The following PAN2 variants were observed in gnomAD, a reference collection of about 807,000 sequenced individuals.
PAN2 encodes the protein poly(A) specific ribonuclease subunit PAN2, also known as PAN2-PAN3 deadenylation complex catalytic subunit PAN2.
PAN2 carries 68 observed loss-of-function variants against 133.3 expected under a neutral mutation model. That is an observed-to-expected ratio of 0.51 (90% CI 0.42 to 0.62). The LOEUF is 0.62. Ranked by LOEUF, PAN2 falls within the 20% of genes least tolerant of loss-of-function variation. PAN2 has a pLI of 0.00. For missense variants in PAN2, 1,042 were observed against 1,500.5 expected (o/e 0.69, Z 5.05); for synonymous variants, 462 against 544.6 (o/e 0.85, Z 2.11).
Position 56,327,552 on chromosome 12 carries a change from A to G in PAN2, c.731T>C (p.Val244Ala), listed in dbSNP as rs950171698. ...AFSGSLSDFD[V>A]HGNLLAACGF... ...ACAGGCAGCTAGCAGGTTGCCATGC[A>G]CATCAAAGTCTGACAGACTTCCTGA... The change falls in exon 6 of 26, where the codon GTG (valine) becomes GCG (alanine). Residue 244 changes from valine to alanine, a missense_variant. Val to Ala is a moderately conservative substitution (Grantham distance 64). Around this residue, in one of 3 missense-constraint regions of PAN2, gnomAD observed 908 missense variants for 1,223.5 expected, o/e 0.74. Transcript: ENST00000440411. 8 of 1,614,138 alleles carry G rather than the reference A, an allele frequency of 5.0e-6. No individual in the cohort carries two copies. Among genetic ancestry groups the G allele is most frequent in the Non-Finnish European group, 5.9e-6 (7 of 1,180,046 alleles).
At chr12:56,318,538 C>T (rs1354332474) in intron 24 of PAN2, 104 bp from the exon 25 acceptor site, 1 of 797,618 alleles carries the variant, frequency 1.3e-6, no homozygotes, top group Non-Finnish European at 2.1e-6. Flanking sequence ...CCTGACTGCC[C>T]TTAAGGAAAA....
rs1375380872 is a variant in PAN2, at chr12:56,317,364, A to T, written c.*245T>A. ...TACCAATTACTTTCCATCTGGGTCA[A>T]TTCTAGACTCCATGTCTGTACCACT... On this transcript the variant is annotated 3_prime_UTR_variant, in exon 26 of 26. Transcript: ENST00000440411. The T allele has an allele frequency of 3.6e-6, 2 of 552,764 alleles. No individual in the cohort carries two copies. The highest frequency in any genetic ancestry group is 3.2e-6 in the Non-Finnish European group (1 of 308,252). 34.2% of individuals were successfully genotyped at this position (552,764 alleles called of 1,614,324 possible). A position where few individuals can be genotyped will look rare whatever the true frequency, so the allele number is the denominator to read the frequency against.
At chr12:56,329,017 A>ATATGACCT in intron 2 of PAN2, among the ~76,000 whole-genome samples, 1 of 152,238 alleles carries the variant, frequency 6.6e-6, no homozygotes, top group Middle Eastern at 3.4e-3. Flanking sequence ...GCATAAGGTT[A>ATATGACCT]TATGCAAATA....
chr12:56,320,789 G>A (rs1396787342), intron 20 of PAN2, among the ~76,000 whole-genome samples: 3 of 145,716 alleles, frequency 2.1e-5, no homozygotes, highest in Non-Finnish European at 4.5e-5. Context: ...CTCAGGCTGG[G>A]CACTGTGGCT....
At chr12:56,327,081 CAG>C (rs1875202484) in intron 6 of PAN2, 122 bp from the exon 7 acceptor site, 6 of 839,992 alleles carry the variant, frequency 7.1e-6, no homozygotes, top group Non-Finnish European at 1.1e-5. Flanking sequence ...TGCCTAGAGA[CAG>C]AATGCCACTT....
At chr12:56,322,957 C>T in intron 17 of PAN2, 105 bp downstream of exon 17, 1 of 1,426,488 alleles carries the variant, frequency 7.0e-7, no homozygotes, top group South Asian at 1.2e-5. Context: ...AGGCCTTATT[C>T]TCTTCCTTTT....
In PAN2 at chr12:56,323,588, C is replaced by T. The variant is rs1210369363; in HGVS notation, c.2183G>A (p.Arg728His). 1.9e-6 allele frequency: 3 copies of T among 1,613,910 alleles called. No individual in the cohort carries two copies. The highest frequency in any genetic ancestry group is 2.5e-6 in the Non-Finnish European group (3 of 1,179,854). Residue 728 changes from arginine to histidine, a missense_variant, in exon 15 of 26, where the codon CGC becomes CAC. By Grantham distance (29) the Arg-to-His change is conservative (BLOSUM62 0). Around this residue, in one of 3 missense-constraint regions of PAN2, gnomAD observed 908 missense variants for 1,223.5 expected, o/e 0.74. Transcript: ENST00000440411. ...CEKYQPTIQT[R>H]NIRHLPDILV... ...AATATCTGGCAGATGGCGGATGTTG[C>T]GGGTCTGAATCTGAGAGGAAGAAAC...
chr12:56,331,781 T>C (rs1393610465), intron 2 of PAN2, among the ~76,000 whole-genome samples: 2 of 151,758 alleles, frequency 1.3e-5, no homozygotes, highest in African/African-American at 2.4e-5. Flanking sequence ...TGGCGTGATC[T>C]CGGCTCACTG....
At position 56,329,029 on chromosome 12, in the gene PAN2, T is replaced by C. The variant is rs113133660; in HGVS notation, c.283-388A>G. 5.9e-5 allele frequency among the ~76,000 whole-genome samples: 9 copies of C among 152,298 alleles called. 1 individual carries two copies. The highest frequency in any genetic ancestry group is 1.9e-4 in the African/African-American group (8 of 41,556). Reference sequence around the variant, plus strand: ...TGTGCATAAGGTTATATGCAAATACTATATCATTTTCTATAACGGATTTAG... The same window carrying C: ...TGTGCATAAGGTTATATGCAAATACCATATCATTTTCTATAACGGATTTAG... On this transcript the variant is annotated intron_variant, in intron 2 of 25. Coordinates refer to ENST00000440411, the MANE Select transcript of PAN2 (RefSeq NM_014871.6).
intron 16 of PAN2, 36 bp downstream of exon 16, chr12:56,323,275 A>G (rs1362182094): frequency 6.2e-7 from 1 of 1,613,920 alleles, no homozygotes; most frequent in South Asian, 1.1e-5. Flanking sequence ...CCACTGGGCA[A>G]TTCAATCCTT....
intron 2 of PAN2, among the ~76,000 whole-genome samples, chr12:56,328,920 G>A (rs1054100191): frequency 6.6e-6 from 1 of 152,196 alleles, no homozygotes; most frequent in African/African-American, 2.4e-5. Flanking sequence ...GGCTCACTTG[G>A]TTAGAACAGT....
intron 20 of PAN2, 60 bp from the exon 21 acceptor site, chr12:56,320,081 G>A (rs1874310794): frequency 1.3e-5 from 20 of 1,524,344 alleles, no homozygotes; most frequent in Non-Finnish European, 1.7e-5. Flanking sequence ...GGGGAGAGAA[G>A]CCCAGTGTGG....
At chr12:56,324,889 T>G in intron 10 of PAN2, 120 bp downstream of exon 10, 1 of 1,394,064 alleles carries the variant, frequency 7.2e-7, no homozygotes, top group East Asian at 2.3e-5. Flanking sequence ...GAAAGAATTG[T>G]AGAGGAGACC....
intron 20 of PAN2, among the ~76,000 whole-genome samples, chr12:56,321,476 G>A (rs989915531): frequency 6.7e-6 from 1 of 149,406 alleles, no homozygotes; most frequent in Non-Finnish European, 1.5e-5. Context: ...TGATCTGCCC[G>A]CCTCAGCCTC....
At chr12:56,330,353 C>CTT (rs10525866) in intron 2 of PAN2, among the ~76,000 whole-genome samples, 6,069 of 92,366 alleles carry the variant, frequency 0.066, 856 homozygotes, top group African/African-American at 0.073. Flanking sequence ...CTGTATTTTT[C>CTT]TTTTTTTTTT....
rs977995107 is a variant in PAN2 at position 56,326,871 on chromosome 12, A to C, written c.1008T>G (p.Phe336Leu). The change falls in exon 7 of 26, where the codon TTT becomes TTG. Residue 336 changes from phenylalanine (F) to leucine (L), a missense_variant. Phe to Leu is a conservative substitution (Grantham distance 22, BLOSUM62 0). Coordinates refer to ENST00000440411, the MANE Select transcript of PAN2 (RefSeq NM_014871.6). ...VNPVGPLLMTFDVSASKQALA... is the reference protein window; with the variant it reads ...VNPVGPLLMTLDVSASKQALA... ...GAGCCTGCTTGCTGGCTGACACATC[A>C]AATGTCATTAGCAGAGGCCCCACAG... 1 of 1,614,238 alleles carries C rather than the reference A, an allele frequency of 6.2e-7. No homozygotes were observed. Among genetic ancestry groups the C allele is most frequent in the Non-Finnish European group, 8.5e-7 (1 of 1,180,032 alleles).
intron 7 of PAN2, 48 bp from the exon 8 acceptor site, chr12:56,326,457 G>C (rs977942864): frequency 6.5e-6 from 10 of 1,539,910 alleles, no homozygotes; most frequent in East Asian, 2.4e-5. Flanking sequence ...GGTGTACACT[G>C]GTCCACTCCC....
In PAN2 at chr12:56,326,394, C is replaced by A. The variant is rs1875131340; in HGVS notation, c.1278G>T (p.Val426=). The A allele has an allele frequency of 6.3e-7, 1 of 1,595,920 alleles. No individual in the cohort carries two copies. Among genetic ancestry groups the A allele is most frequent in the East Asian group, 2.2e-5 (1 of 44,478 alleles). The change falls in exon 8 of 26, where the codon GTG becomes GTT. Residue 426 remains valine (V), a synonymous_variant. Transcript: ENST00000440411. ...SAPAPRRAPP[V]DAEILRTMKK... Reference sequence around the variant, plus strand: ...TCATGGTGCGCAGAATCTCTGCATCCACGGGTGGTGCTCGCCTACAATCCA... The same window carrying A: ...TCATGGTGCGCAGAATCTCTGCATCAACGGGTGGTGCTCGCCTACAATCCA...
rs1007717913 is a variant in PAN2, at chr12:56,322,157, C to T, written c.2709G>A (p.Val903=). Residue 903 remains valine (V), a synonymous_variant, in exon 20 of 26, where the codon GTG becomes GTA. Coordinates refer to ENST00000440411, the MANE Select transcript of PAN2 (RefSeq NM_014871.6). ...GTACTTTCCAATTCATGTCAAACTGCACAGCTTCATGCTATAGAAGAGAAA... is the reference window on the plus strand; with the variant it reads ...GTACTTTCCAATTCATGTCAAACTGTACAGCTTCATGCTATAGAAGAGAAA... The part of the protein sequence containing the change: ...LIEPIDKHEA[V]QFDMNWKVPA... 10 of 1,599,904 alleles carry T rather than the reference C, an allele frequency of 6.3e-6. No homozygotes were observed. The African/African-American group carries it at 1.3e-4, about 21-fold the overall frequency.
Sources: allele counts gnomAD v4.1 joint callset (sites outside exome capture counted in the v4.1 genomes callset), GRCh38; gene constraint gnomAD v4.1.1; regional missense constraint gnomAD v4.1.1; transcripts MANE v1.5; gene names NCBI Gene and HGNC (gene_info 2026-07-23, HGNC 2026-07-21).